RPGR: variants seen among roughly 807,000 people sequenced by gnomAD.
RPGR encodes the protein X-linked retinitis pigmentosa GTPase regulator.
In RPGR, 10 loss-of-function variants were observed where a neutral mutation model predicts 56.3. The observed-to-expected ratio is 0.18, with a 90% CI of 0.11 to 0.30. The LOEUF (loss-of-function observed/expected upper bound fraction) is 0.30, where lower values mean the gene tolerates loss of function less well. Among genes scored for constraint, RPGR ranks in the 10% least tolerant of loss-of-function variants. The pLI is 1.00. For synonymous variants in RPGR, 197 were observed against 212.9 expected (o/e 0.93, Z 0.65); for missense variants, 538 against 590.9 (o/e 0.91, Z 0.93).
Position 38,323,274 on chromosome X carries a change from A to C in RPGR, c.154+125T>G, listed in dbSNP as rs1325360465. 7.2e-6 allele frequency: 5 copies of C among 693,425 alleles called. No homozygotes were observed. The African/African-American group carries it at 8.8e-5, about 12-fold the overall frequency. 57.1% of individuals were successfully genotyped at this position (693,425 alleles called of 1,213,427 possible). A position where few individuals can be genotyped will look rare whatever the true frequency, so the allele number is the denominator to read the frequency against. On this transcript the variant is annotated intron_variant, in intron 2 of 18. Transcript: ENST00000642395. Reference sequence around the variant, plus strand: ...TGACTTATTTTGTGAAGAATTCTCCAGCAAAGTAAAAAACAACACTTTTGA... The same window carrying C: ...TGACTTATTTTGTGAAGAATTCTCCCGCAAAGTAAAAAACAACACTTTTGA...
intron 11 of RPGR, among the ~76,000 whole-genome samples, chrX:38,296,578 T>C (rs2067389700): frequency 9.0e-6 from 1 of 111,726 alleles, no homozygotes; most frequent in Admixed American, 9.5e-5. Flanking sequence ...AAGGTATTAA[T>C]ATTAATCATA....
rs201242851 is a variant in RPGR, at chrX:38,323,400, G to A, written c.153C>T (p.Thr51=). ...CTTATTCAGGATTGTAATACTAACCGGTAACAACAGCAGAATGTTCATCTC... is the reference window on the plus strand; with the variant it reads ...CTTATTCAGGATTGTAATACTAACCAGTAACAACAGCAGAATGTTCATCTC... Residue 51 remains threonine, a splice_region_variant and synonymous_variant, in exon 2 of 19, where the codon ACC becomes ACT. Coordinates refer to ENST00000642395, the MANE Select transcript of RPGR (RefSeq NM_000328.3). 495 of 1,201,767 alleles carry A rather than the reference G, an allele frequency of 4.1e-4. No individual in the cohort carries two copies. The highest frequency in any genetic ancestry group is 5.3e-4 in the Non-Finnish European group (474 of 888,647).
intron 15 of RPGR, chrX:38,279,317 C>A: frequency 3.6e-6 from 1 of 274,668 alleles, no homozygotes; most frequent in East Asian, 1.1e-4. Context: ...CTGTGTCTTG[C>A]GTTAGGATCA....
chrX:38,303,939 C>T (rs747956692), intron 8 of RPGR: 16 of 281,601 alleles, frequency 5.7e-5, no homozygotes, highest in African/African-American at 3.6e-4. Flanking sequence ...ATTATATACC[C>T]GTTTGTCACA....
rs113691948 is a variant in RPGR, at chrX:38,324,224, T to C, written c.29-700A>G. 7.3e-3 allele frequency among the ~76,000 whole-genome samples: 818 copies of C among 111,700 alleles called. 7 individuals are homozygous for C. The highest frequency in any genetic ancestry group is 0.024 in the African/African-American group (749 of 30,721). On this transcript the variant is annotated intron_variant, in intron 1 of 18. Coordinates refer to ENST00000642395, the MANE Select transcript of RPGR (RefSeq NM_000328.3). ...TCAGCCTCTGGAGTAGCTAGGACTA[T>C]AGGCGTGTGCCACCATGTCCAGCTA... is the stretch of plus-strand genomic sequence containing the variant.
chrX:38,287,992 T>C lies in RPGR; in HGVS notation c.1622A>G (p.Asn541Ser). 4 of 1,211,137 alleles carry C rather than the reference T, an allele frequency of 3.3e-6. No individual in the cohort carries two copies. Among genetic ancestry groups the C allele is most frequent in the East Asian group, 5.9e-5 (2 of 33,869 alleles). The change falls in exon 14 of 19, where the codon AAC (asparagine) becomes AGC (serine). Residue 541 changes from asparagine (N) to serine (S), a missense_variant. Transcript: ENST00000642395. ...TTCTTCATATTCATCACTATCATCG[T>C]TTTCAGTAAGAGCTGTATCCTGCGT...
chrX:38,309,141 T>C (rs1190163525), intron 7 of RPGR, among the ~76,000 whole-genome samples: 1 of 112,136 alleles, frequency 8.9e-6, no homozygotes, highest in Non-Finnish European at 1.9e-5. Flanking sequence ...ATCAATTTAG[T>C]AAACATATTA....
intron 10 of RPGR, among the ~76,000 whole-genome samples, chrX:38,298,641 T>C (rs983124008): frequency 9.0e-6 from 1 of 111,718 alleles, no homozygotes; most frequent in African/African-American, 3.3e-5. Context: ...CCACATGCAG[T>C]TGAAAAAACA....
chrX:38,291,928 T>G (rs750061002), intron 11 of RPGR, among the ~76,000 whole-genome samples: 1 of 112,049 alleles, frequency 8.9e-6, no homozygotes, highest in South Asian at 3.7e-4. Flanking sequence ...ATGGCTTCTG[T>G]TTTGGTTATA....
At chrX:38,321,672 A>C (rs73632472) in intron 3 of RPGR, among the ~76,000 whole-genome samples, 5 of 108,122 alleles carry the variant, frequency 4.6e-5, no homozygotes, top group African/African-American at 1.7e-4. Context: ...AAAAAAAAAA[A>C]CAACAACTTC....
chrX:38,291,607 A>G, intron 11 of RPGR, 123 bp from the exon 12 acceptor site: 1 of 439,412 alleles, frequency 2.3e-6, no homozygotes, highest in Non-Finnish European at 4.0e-6. Context: ...AAAGTCCTTT[A>G]ACCTCATGTC....
At chrX:38,279,760 T>C (rs1218097714) in intron 15 of RPGR, among the ~76,000 whole-genome samples, 1 of 110,240 alleles carries the variant, frequency 9.1e-6, no homozygotes, top group African/African-American at 3.3e-5. Context: ...AAACCAGAGC[T>C]ATAAAGTATA....
chrX:38,277,363 C>T (rs1297395491), intron 15 of RPGR, among the ~76,000 whole-genome samples: 2 of 111,487 alleles, frequency 1.8e-5, no homozygotes, highest in African/African-American at 6.5e-5. Context: ...CTAATCCAAA[C>T]GATAAAAGAG....
intron 8 of RPGR, chrX:38,303,609 G>A (rs1046043979): frequency 1.1e-5 from 3 of 279,135 alleles, no homozygotes; most frequent in African/African-American, 8.3e-5. Context: ...GATGATGAAT[G>A]AATAATACTT....
intron 15 of RPGR, among the ~76,000 whole-genome samples, chrX:38,279,697 T>C (rs2066995708): frequency 1.2e-5 from 1 of 85,502 alleles, no homozygotes; most frequent in African/African-American, 4.4e-5. Context: ...GACACATGTA[T>C]GAGATAGGCA....
Position 38,322,845 on chromosome X carries a change from T to C in RPGR, c.247+8A>G, listed in dbSNP as rs1290611493. ...TACAGTTTGTGAAAAGATAAAAAGA[T>C]CCCAAACCTTTGACACATGTTGGCT... is the stretch of plus-strand genomic sequence containing the variant. On this transcript the variant is annotated splice_region_variant and intron_variant, in intron 3 of 18. Coordinates refer to ENST00000642395, the MANE Select transcript of RPGR (RefSeq NM_000328.3). 3.3e-5 allele frequency: 39 copies of C among 1,197,916 alleles called. No individual in the cohort carries two copies. Among genetic ancestry groups the C allele is most frequent in the Non-Finnish European group, 4.2e-5 (37 of 882,886 alleles).
intron 18 of RPGR, among the ~76,000 whole-genome samples, chrX:38,270,311 GGCAAAAAAGTTAAT>G (rs2066816992): frequency 9.2e-6 from 1 of 109,095 alleles, no homozygotes; most frequent in South Asian, 4.0e-4. Context: ...GAGAACTTCT[GGCAAAAAAGTTAAT>G]GCTGCTTGGC....
intron 15 of RPGR, among the ~76,000 whole-genome samples, chrX:38,280,581 G>A (rs1400909838): frequency 9.0e-6 from 1 of 111,593 alleles, no homozygotes; most frequent in Non-Finnish European, 1.9e-5. Flanking sequence ...CACTCAAGCT[G>A]GAGTGCAGTG....
chrX:38,315,838 T>TATATAG (rs768025579), intron 6 of RPGR, among the ~76,000 whole-genome samples: 1,200 of 90,768 alleles, frequency 0.013, 19 homozygotes, highest in African/African-American at 0.038. Flanking sequence ...TATATATATA[T>TATATAG]AGAGAGAGAG....
Sources: gnomAD v4.1 joint callset for allele counts (sites outside exome capture counted in the v4.1 genomes callset) on GRCh38, gnomAD v4.1.1 for gene constraint, MANE v1.5 for transcripts, NCBI Gene and HGNC (gene_info 2026-07-23, HGNC 2026-07-21) for gene names.